LVRN: variants seen among roughly 807,000 people sequenced by gnomAD.
The protein encoded by LVRN is laeverin.
In LVRN, 99 loss-of-function variants were observed where a neutral mutation model predicts 111.4. The ratio of observed to expected loss-of-function variants is 0.89; its 90% CI spans 0.76 to 1.05. LVRN has a LOEUF of 1.05. Among genes scored for constraint, LVRN ranks in the 50% least tolerant of loss-of-function variants. The probability of loss-of-function intolerance (pLI) is 0.00; values close to 1 mark genes in which losing one functional copy is unlikely to be tolerated. For missense variants in LVRN, 1,414 were observed against 1,206.8 expected, an observed-to-expected ratio of 1.17 and a Z score of -2.54; for synonymous variants, 488 against 449.5, an observed-to-expected ratio of 1.09 and a Z score of -1.08.
At chr5:116,025,202 C>T (rs905135397) in intron 19 of LVRN, among the ~76,000 whole-genome samples, 1 of 152,114 alleles carries the variant, frequency 6.6e-6, no homozygotes, top group African/African-American at 2.4e-5. Flanking sequence ...CTTTAACTTA[C>T]TTGTCCCTAA....
chr5:115,999,984 C>A, intron 7 of LVRN, 82 bp downstream of exon 7: 2 of 1,401,090 alleles, frequency 1.4e-6, no homozygotes, highest in South Asian at 2.8e-5. Context: ...CCTATATCAT[C>A]ATACAACTTA....
chr5:116,014,970 T>C (rs1005750965), intron 16 of LVRN, among the ~76,000 whole-genome samples: 2 of 152,142 alleles, frequency 1.3e-5, no homozygotes, highest in Admixed American at 1.3e-4. Flanking sequence ...GATGGACTCT[T>C]AGGAAACATG....
At chr5:115,989,282 C>T (rs189550046) in intron 4 of LVRN, among the ~76,000 whole-genome samples, 13 of 152,278 alleles carry the variant, frequency 8.5e-5, no homozygotes, top group Non-Finnish European at 1.5e-4. Flanking sequence ...TTTGGCAGTT[C>T]CTGAGTGGGA....
intron 1 of LVRN, among the ~76,000 whole-genome samples, chr5:115,966,070 A>C (rs1465701529): frequency 1.3e-5 from 2 of 152,226 alleles, no homozygotes; most frequent in Non-Finnish European, 2.9e-5. Context: ...GTACAATATC[A>C]AAATCAAGAA....
chr5:115,969,279 T>C (rs1027596952), intron 1 of LVRN, among the ~76,000 whole-genome samples: 2 of 152,066 alleles, frequency 1.3e-5, no homozygotes, highest in African/African-American at 4.8e-5. Context: ...TTTTTTTTCC[T>C]GTTTTGTACT....
chr5:116,001,808 A>G (rs1748244812), intron 10 of LVRN, among the ~76,000 whole-genome samples: 1 of 152,180 alleles, frequency 6.6e-6, no homozygotes, highest in East Asian at 1.9e-4. Flanking sequence ...TTCAAACCTT[A>G]GGTATTATTT....
chr5:116,006,637 G>T (rs1417980341), intron 13 of LVRN, among the ~76,000 whole-genome samples: 1 of 152,144 alleles, frequency 6.6e-6, no homozygotes, highest in Non-Finnish European at 1.5e-5. Context: ...TTCTACTGCT[G>T]TGAGCTTCTT....
At chr5:115,991,117 T>A (rs1380271845) in intron 4 of LVRN, among the ~76,000 whole-genome samples, 1 of 152,190 alleles carries the variant, frequency 6.6e-6, no homozygotes, top group African/African-American at 2.4e-5. Context: ...TTTTGGCAAC[T>A]GTATAATGAC....
chr5:116,005,902 A>C lies in LVRN; in HGVS notation c.2038-10A>C, dbSNP rs1184582195. 2.5e-6 allele frequency: 4 copies of C among 1,592,152 alleles called. No individual in the cohort carries two copies. Among genetic ancestry groups the C allele is most frequent in the Non-Finnish European group, 2.6e-6 (3 of 1,160,212 alleles). ...TCTTCTTCTGGGCATATTTGGGTCT[A>C]ATTCTGCAGGCGATTCCTGTTATTC... On this transcript the variant is annotated splice_polypyrimidine_tract_variant and intron_variant, in intron 12 of 19. Transcript: ENST00000357872.
At chr5:116,006,041 A>G (rs113791361) in intron 13 of LVRN, 74 bp downstream of exon 13, 9 of 1,239,462 alleles carry the variant, frequency 7.3e-6, no homozygotes, top group Non-Finnish European at 1.0e-5. Context: ...CTTCATCACT[A>G]TGAATTTGAT....
chr5:116,012,690 T>C (rs1748517014), intron 15 of LVRN, among the ~76,000 whole-genome samples: 1 of 152,198 alleles, frequency 6.6e-6, no homozygotes, highest in South Asian at 2.1e-4. Context: ...CATGTACACA[T>C]AGGAGCTTAT....
At chr5:115,969,537 C>T (rs562842395) in intron 1 of LVRN, among the ~76,000 whole-genome samples, 41 of 152,238 alleles carry the variant, frequency 2.7e-4, no homozygotes, top group Middle Eastern at 3.4e-3. Flanking sequence ...GTGGCTCACG[C>T]CTGTAATCCC....
rs1267067794 is a variant in LVRN at position 115,981,546 on chromosome 5, G to T, written c.696-1741G>T. Among the ~76,000 whole-genome samples, 5 of 152,040 alleles carry T rather than the reference G, an allele frequency of 3.3e-5. No individual in the cohort carries two copies. In the South Asian group the frequency reaches 8.3e-4, roughly 25 times the overall value. ...ATAATAATCACATCATGGAGAATGG[G>T]GTATCCATCCCCTCAAGCATTTATC... On this transcript the variant is annotated intron_variant, in intron 1 of 19. Transcript: ENST00000357872.
At chr5:115,999,703 G>T in intron 6 of LVRN, 59 bp from the exon 7 acceptor site, 1 of 1,559,840 alleles carries the variant, frequency 6.4e-7, no homozygotes, top group Non-Finnish European at 8.7e-7. Flanking sequence ...TAGGGCCATA[G>T]AATTTTGGTC....
intron 10 of LVRN, among the ~76,000 whole-genome samples, chr5:116,001,475 A>G (rs891600724): frequency 6.6e-6 from 1 of 152,198 alleles, no homozygotes; most frequent in Non-Finnish European, 1.5e-5. Context: ...CAGCGACCCA[A>G]GCTGTGGGCT....
At chr5:116,011,621 G>A (rs556606292) in intron 14 of LVRN, among the ~76,000 whole-genome samples, 7 of 152,232 alleles carry the variant, frequency 4.6e-5, no homozygotes, top group East Asian at 1.9e-4. Context: ...TCACAAATAC[G>A]TCTAACGGCC....
chr5:115,973,095 A>AT (rs1253871941), intron 1 of LVRN, among the ~76,000 whole-genome samples: 2 of 151,810 alleles, frequency 1.3e-5, no homozygotes, highest in African/African-American at 4.8e-5. Context: ...TGCCTAGCTG[A>AT]TTTTTTGTAT....
chr5:116,003,024 A>G (rs758331695), intron 11 of LVRN, 113 bp downstream of exon 11: 294 of 1,012,422 alleles, frequency 2.9e-4, no homozygotes, highest in Admixed American at 3.9e-4. Flanking sequence ...CTAAAATATC[A>G]TTCTTGTAGA....
At position 115,963,079 on chromosome 5, in the gene LVRN, G is replaced by C; in HGVS notation, c.462G>C (p.Glu154Asp). Residue 154 changes from glutamate (E) to aspartate (D), a missense_variant, in exon 1 of 20, where the codon GAG (glutamate) becomes GAC (aspartate). Glu to Asp is a conservative substitution (Grantham distance 45, BLOSUM62 2). Coordinates refer to ENST00000357872, the MANE Select transcript of LVRN (RefSeq NM_173800.5). ...TGCATAGCCTCTTCCAGGACTGCGA[G>C]CGCGCCGAGGTGCGGGGACCCCTTT... ...LLLHSLFQDCERAEVRGPLSP... is the reference protein window; with the variant it reads ...LLLHSLFQDCDRAEVRGPLSP... The C allele has an allele frequency of 1.9e-6, 3 of 1,613,706 alleles. No individual in the cohort carries two copies. Among genetic ancestry groups the C allele is most frequent in the Non-Finnish European group, 2.5e-6 (3 of 1,179,972 alleles).
Sources: gnomAD v4.1 joint callset for allele counts (sites outside exome capture counted in the v4.1 genomes callset) on GRCh38, gnomAD v4.1.1 for gene constraint, MANE v1.5 for transcripts, NCBI Gene and HGNC (gene_info 2026-07-23, HGNC 2026-07-21) for gene names.